AKAP6: variants seen among roughly 807,000 people sequenced by gnomAD.
AKAP6 encodes the protein A-kinase anchoring protein 6, also known as A-kinase anchor protein 6.
In AKAP6, 58 loss-of-function variants were observed where a neutral mutation model predicts 188.5. The ratio of observed to expected loss-of-function variants is 0.31; its 90% CI spans 0.25 to 0.38. AKAP6 has a LOEUF of 0.38. Ranked by LOEUF, AKAP6 falls within the 10% of genes least tolerant of loss-of-function variation. AKAP6 has a pLI of 1.00. For synonymous variants in AKAP6, 989 were observed against 998.6 expected, an observed-to-expected ratio of 0.99 and a Z score of 0.18; for missense variants, 2,710 against 2,740.0, an observed-to-expected ratio of 0.99 and a Z score of 0.24.
intron 12 of AKAP6, among the ~76,000 whole-genome samples, chr14:32,800,506 C>T (rs8004568): frequency 0.7 from 106,043 of 151,966 alleles, 37,184 homozygotes; most frequent in South Asian, 0.82. Context: ...TGTTCCATTG[C>T]TTTGTGCATA....
In AKAP6 at chr14:32,381,098, A is replaced by G. The variant is rs145243399; in HGVS notation, c.-35+51690A>G. On this transcript the variant is annotated intron_variant, in intron 1 of 13. Coordinates refer to ENST00000280979, the MANE Select transcript of AKAP6 (RefSeq NM_004274.5). ...ATGCCTGTAATCCTAGCACTTTGTG[A>G]GGCTGATGGGGGCAGATCACTTGAG... 8.1e-3 allele frequency among the ~76,000 whole-genome samples: 1,226 copies of G among 152,250 alleles called. 25 individuals are homozygous for G. Among genetic ancestry groups the G allele is most frequent in the African/African-American group, 0.027 (1,135 of 41,540 alleles).
At chr14:32,435,364 T>G (rs1890346927) in intron 2 of AKAP6, among the ~76,000 whole-genome samples, 1 of 152,226 alleles carries the variant, frequency 6.6e-6, no homozygotes, top group Non-Finnish European at 1.5e-5. Flanking sequence ...TTAAAAACAT[T>G]AATGAGTCAA....
chr14:32,741,544 AT>A (rs983462111), intron 11 of AKAP6, among the ~76,000 whole-genome samples: 99 of 145,820 alleles, frequency 6.8e-4, no homozygotes, highest in African/African-American at 1.5e-3. Context: ...ATCCATCCCC[AT>A]TTTTTTTTTA....
intron 12 of AKAP6, among the ~76,000 whole-genome samples, chr14:32,794,107 A>T (rs2033692147): frequency 1.3e-5 from 2 of 152,236 alleles, no homozygotes; most frequent in South Asian, 4.1e-4. Context: ...CAGAGGTAAA[A>T]TACTCCTCAG....
intron 7 of AKAP6, among the ~76,000 whole-genome samples, chr14:32,640,125 A>G (rs184744063): frequency 6.6e-6 from 1 of 152,230 alleles, no homozygotes; most frequent in South Asian, 2.1e-4. Flanking sequence ...TTTATTTTCA[A>G]TAAAGGCAAG....
chr14:32,518,815 C>G (rs1013830034), intron 2 of AKAP6, among the ~76,000 whole-genome samples: 2 of 152,106 alleles, frequency 1.3e-5, no homozygotes, highest in Non-Finnish European at 2.9e-5. Context: ...GAAAGGCAGA[C>G]CAACATTCAA....
At chr14:32,448,851 G>A (rs1890841033) in intron 2 of AKAP6, among the ~76,000 whole-genome samples, 1 of 152,100 alleles carries the variant, frequency 6.6e-6, no homozygotes, top group Non-Finnish European at 1.5e-5. Context: ...TATTAGCAAT[G>A]CATACTTAAT....
intron 1 of AKAP6, among the ~76,000 whole-genome samples, chr14:32,390,604 G>T (rs184098807): frequency 6.6e-6 from 1 of 152,214 alleles, no homozygotes; most frequent in African/African-American, 2.4e-5. Flanking sequence ...CTGAGTTGTA[G>T]TGAGTGTTAT....
chr14:32,703,751 A>G (rs1202832252), intron 9 of AKAP6, among the ~76,000 whole-genome samples: 3 of 152,218 alleles, frequency 2.0e-5, no homozygotes, highest in Admixed American at 1.3e-4. Flanking sequence ...GTTCAATGAG[A>G]TAAGTTTATT....
chr14:32,465,341 C>T (rs1279054631), intron 2 of AKAP6, among the ~76,000 whole-genome samples: 1 of 150,348 alleles, frequency 6.7e-6, no homozygotes, highest in Non-Finnish European at 1.5e-5. Flanking sequence ...TCAAACTATA[C>T]TACAAGGGTA....
intron 11 of AKAP6, 99 bp downstream of exon 11, chr14:32,735,981 T>TAATA: frequency 1.1e-6 from 1 of 876,148 alleles, no homozygotes; most frequent in Non-Finnish European, 1.7e-6. Flanking sequence ...TATCTGTGTA[T>TAATA]CACTGTGCAC....
intron 9 of AKAP6, among the ~76,000 whole-genome samples, chr14:32,725,499 T>G (rs2030826796): frequency 6.6e-6 from 1 of 152,240 alleles, no homozygotes; most frequent in African/African-American, 2.4e-5. Flanking sequence ...AGATTTTTTT[T>G]TCTCTGAATT....
At chr14:32,490,590 T>G (rs573839547) in intron 2 of AKAP6, among the ~76,000 whole-genome samples, 19 of 152,256 alleles carry the variant, frequency 1.2e-4, no homozygotes, top group African/African-American at 4.1e-4. Flanking sequence ...AAAGCCTAAA[T>G]TTTTACCAGG....
chr14:32,667,467 CA>C (rs535241100), intron 7 of AKAP6, among the ~76,000 whole-genome samples: 1 of 151,736 alleles, frequency 6.6e-6, no homozygotes, highest in Non-Finnish European at 1.5e-5. Context: ...GGCACAAACA[CA>C]AAAAAATAAA....
intron 9 of AKAP6, among the ~76,000 whole-genome samples, chr14:32,705,700 A>G (rs992429785): frequency 6.6e-6 from 1 of 152,140 alleles, no homozygotes; most frequent in African/African-American, 2.4e-5. Flanking sequence ...AGGCTAGGGT[A>G]TGCCAAGATA....
At chr14:32,484,550 G>T (rs1330633940) in intron 2 of AKAP6, 1 of 207,642 alleles carries the variant, frequency 4.8e-6, no homozygotes, top group Non-Finnish European at 7.0e-6. Context: ...GATTTTTAGG[G>T]GAACTAGTCA....
intron 7 of AKAP6, among the ~76,000 whole-genome samples, chr14:32,639,593 G>C (rs1012088907): frequency 6.6e-6 from 1 of 152,100 alleles, no homozygotes; most frequent in African/African-American, 2.4e-5. Context: ...CCCCTCATGA[G>C]GCTTGAGGAA....
intron 1 of AKAP6, among the ~76,000 whole-genome samples, chr14:32,382,914 T>G (rs1888413828): frequency 6.6e-6 from 1 of 152,152 alleles, no homozygotes; most frequent in Non-Finnish European, 1.5e-5. Flanking sequence ...TGCCACCACC[T>G]GCACACCATT....
intron 2 of AKAP6, among the ~76,000 whole-genome samples, chr14:32,529,761 G>A (rs2139093666): frequency 6.6e-6 from 1 of 152,192 alleles, no homozygotes; most frequent in Non-Finnish European, 1.5e-5. Context: ...GTCAACTGAA[G>A]ATTATACTCT....
Sources: gnomAD v4.1 joint callset for allele counts (sites outside exome capture counted in the v4.1 genomes callset) on GRCh38, gnomAD v4.1.1 for gene constraint, MANE v1.5 for transcripts, NCBI Gene and HGNC (gene_info 2026-07-23, HGNC 2026-07-21) for gene names.